DPP10: variants seen among roughly 807,000 people sequenced by gnomAD.
DPP10 encodes the protein inactive dipeptidyl peptidase 10.
Under a neutral mutation model 120.9 loss-of-function variants are expected in DPP10, and 33 were observed. The ratio of observed to expected loss-of-function variants is 0.27; its 90% CI spans 0.21 to 0.37. The LOEUF (loss-of-function observed/expected upper bound fraction) is 0.37. Ranked by LOEUF, DPP10 falls within the 10% of genes least tolerant of loss-of-function variation. The probability of loss-of-function intolerance (pLI) is 1.00; values close to 1 mark genes in which losing one functional copy is unlikely to be tolerated. For missense variants in DPP10, 816 were observed against 942.8 expected (o/e 0.87, Z 1.76); for synonymous variants, 337 against 326.1 (o/e 1.03, Z -0.36).
At chr2:115,676,193 A>G (rs1226807028) in intron 5 of DPP10, among the ~76,000 whole-genome samples, 1 of 152,214 alleles carries the variant, frequency 6.6e-6, no homozygotes, top group Non-Finnish European at 1.5e-5. Flanking sequence ...TCTGCCTGGT[A>G]TCCCCACCTC....
chr2:115,201,793 T>G (rs552711644), intron 1 of DPP10, among the ~76,000 whole-genome samples: 24 of 152,184 alleles, frequency 1.6e-4, no homozygotes, highest in African/African-American at 5.8e-4. Context: ...GCTTTATGTG[T>G]CCTCAAGAGC....
intron 1 of DPP10, among the ~76,000 whole-genome samples, chr2:114,612,511 C>T (rs945911241): frequency 6.6e-6 from 1 of 152,148 alleles, no homozygotes; most frequent in Admixed American, 6.6e-5. Context: ...TTTGCTTTCT[C>T]CTTACTATAT....
Position 114,876,872 on chromosome 2 carries a change from A to T in DPP10, c.61-432367A>T, listed in dbSNP as rs549622134. On this transcript the variant is annotated intron_variant, in intron 1 of 25. Transcript: ENST00000410059. ...AATGAAAGTGTAGGGTATCTTGTTC[A>T]AAATGAAGGAAAAATATGACCCTAA... Among the ~76,000 whole-genome samples, 10 of 152,084 alleles carry T rather than the reference A, an allele frequency of 6.6e-5. No homozygotes were observed. In the South Asian group the frequency reaches 2.1e-3, roughly 32 times the overall value.
chr2:115,137,753 C>G (rs2050723319), intron 1 of DPP10, among the ~76,000 whole-genome samples: 1 of 152,182 alleles, frequency 6.6e-6, no homozygotes, highest in South Asian at 2.1e-4. Flanking sequence ...TATCAACGGA[C>G]AGAAGGCAGG....
intron 5 of DPP10, chr2:115,579,862 G>A (rs1336408711): frequency 6.6e-6 from 1 of 152,178 alleles, no homozygotes; most frequent in African/African-American, 2.4e-5. Flanking sequence ...AGGAAGTGCA[G>A]GTTCATTACA....
At chr2:115,328,827 G>A (rs932991771) in intron 2 of DPP10, among the ~76,000 whole-genome samples, 2 of 152,010 alleles carry the variant, frequency 1.3e-5, no homozygotes, top group Non-Finnish European at 2.9e-5. Flanking sequence ...CTTGGTCTTT[G>A]CAAATGCAAA....
intron 1 of DPP10, among the ~76,000 whole-genome samples, chr2:114,937,808 T>C (rs1052594452): frequency 1.3e-5 from 2 of 152,198 alleles, no homozygotes; most frequent in African/African-American, 4.8e-5. Context: ...GGGAGACCTC[T>C]GCCATATTTT....
chr2:115,593,695 A>G (rs187779522), intron 5 of DPP10, among the ~76,000 whole-genome samples: 13 of 152,340 alleles, frequency 8.5e-5, no homozygotes, highest in Non-Finnish European at 1.5e-4. Context: ...AATAATAGGT[A>G]TATGACTGTC....
intron 1 of DPP10, among the ~76,000 whole-genome samples, chr2:115,010,804 A>G (rs982847896): frequency 6.6e-6 from 1 of 152,198 alleles, no homozygotes; most frequent in East Asian, 1.9e-4. Context: ...ACAGTCCCTC[A>G]GTACTCCACA....
chr2:115,403,381 CTTTTTTTTTTTTTT>C (rs78116780), intron 3 of DPP10, among the ~76,000 whole-genome samples: 5 of 118,464 alleles, frequency 4.2e-5, no homozygotes, highest in East Asian at 6.0e-4. Context: ...TTCTTTCCTT[CTTTTTTTTTTTTTT>C]TTTTTTTTTT....
At position 115,166,517 on chromosome 2, in the gene DPP10, TAATATA is replaced by T. The variant is rs1416676108; in HGVS notation, c.61-142715_61-142710del. On this transcript the variant is annotated intron_variant, in intron 1 of 25. Coordinates refer to ENST00000410059, the MANE Select transcript of DPP10 (RefSeq NM_020868.6). ...AAATATTATATATTATATAAATTTA[TAATATA>T]AATATATATATAAATTTATAATATA... Among the ~76,000 whole-genome samples, 4 of 142,280 alleles carry T rather than the reference TAATATA, an allele frequency of 2.8e-5. 1 individual carries two copies. Among genetic ancestry groups the T allele is most frequent in the African/African-American group, 1.0e-4 (4 of 38,550 alleles). 93.3% of individuals were successfully genotyped at this position (142,280 alleles called of 152,430 possible). A position where few individuals can be genotyped will look rare whatever the true frequency, so the allele number is the denominator to read the frequency against.
intron 1 of DPP10, among the ~76,000 whole-genome samples, chr2:114,841,862 A>G (rs577457081): frequency 8.6e-5 from 13 of 151,972 alleles, no homozygotes; most frequent in Admixed American, 1.3e-4. Flanking sequence ...AGAAGTGGAG[A>G]CACCCGGCAC....
At chr2:115,729,837 C>G (rs1190261623) in intron 8 of DPP10, among the ~76,000 whole-genome samples, 1 of 151,426 alleles carries the variant, frequency 6.6e-6, no homozygotes, top group Non-Finnish European at 1.5e-5. Flanking sequence ...GCATCTGAGT[C>G]AAGCCTGAAC....
intron 5 of DPP10, among the ~76,000 whole-genome samples, chr2:115,620,030 G>A (rs2084827875): frequency 6.6e-6 from 1 of 152,184 alleles, no homozygotes; most frequent in Admixed American, 6.6e-5. Flanking sequence ...ATGTTGGAAT[G>A]TTTTGCCATG....
intron 1 of DPP10, among the ~76,000 whole-genome samples, chr2:115,244,720 A>G (rs2058452237): frequency 6.6e-6 from 1 of 151,466 alleles, no homozygotes; most frequent in Non-Finnish European, 1.5e-5. Flanking sequence ...ATCAGCATAG[A>G]TTCTATATAT....
At chr2:115,504,327 G>C (rs979353937) in intron 4 of DPP10, among the ~76,000 whole-genome samples, 2 of 146,888 alleles carry the variant, frequency 1.4e-5, no homozygotes, top group African/African-American at 5.0e-5. Flanking sequence ...TTAAGATAGA[G>C]GATAAAAACT....
intron 5 of DPP10, among the ~76,000 whole-genome samples, chr2:115,653,019 T>C (rs2087942055): frequency 6.6e-6 from 1 of 151,432 alleles, no homozygotes; most frequent in Non-Finnish European, 1.5e-5. Flanking sequence ...CTAATTATAT[T>C]TTACAGAGAC....
intron 1 of DPP10, among the ~76,000 whole-genome samples, chr2:115,111,284 A>G (rs1573652940): frequency 6.7e-6 from 1 of 148,164 alleles, no homozygotes; most frequent in Admixed American, 6.8e-5. Flanking sequence ...TTTAATGCTC[A>G]TTGGTTTCCC....
chr2:114,854,575 C>A (rs899179830), intron 1 of DPP10, among the ~76,000 whole-genome samples: 29 of 152,082 alleles, frequency 1.9e-4, no homozygotes, highest in Admixed American at 1.8e-3. Context: ...GAACAGGTAT[C>A]ATAGTCAGAG....
Sources: gnomAD v4.1 joint callset for allele counts (sites outside exome capture counted in the v4.1 genomes callset) on GRCh38, gnomAD v4.1.1 for gene constraint, MANE v1.5 for transcripts, NCBI Gene and HGNC (gene_info 2026-07-23, HGNC 2026-07-21) for gene names.